ZNRF3: variants seen among roughly 807,000 people sequenced by gnomAD.
ZNRF3 encodes the protein zinc and ring finger 3, also known as E3 ubiquitin-protein ligase ZNRF3.
A neutral mutation model predicts 72.5 loss-of-function variants in ZNRF3; 23 were observed. That is an observed-to-expected ratio of 0.32 (90% CI 0.23 to 0.45). The LOEUF (loss-of-function observed/expected upper bound fraction) is 0.45. Among genes scored for constraint, ZNRF3 ranks in the 20% least tolerant of loss-of-function variants. ZNRF3 has a pLI of 1.00. For synonymous variants in ZNRF3, 610 were observed against 545.3 expected (o/e 1.12, Z -1.65); for missense variants, 1,169 against 1,272.1 (o/e 0.92, Z 1.23).
chr22:28,912,291 C>CA (rs1313421454), intron 1 of ZNRF3, among the ~76,000 whole-genome samples: 7 of 152,230 alleles, frequency 4.6e-5, no homozygotes, highest in Non-Finnish European at 1.5e-5. Context: ...CTGGGCCAGT[C>CA]CAGGCAGAAT....
At chr22:28,936,610 G>C (rs116081501) in intron 1 of ZNRF3, among the ~76,000 whole-genome samples, 3,299 of 152,138 alleles carry the variant, frequency 0.022, 83 homozygotes, top group African/African-American at 0.052. Flanking sequence ...TGGTGGGTGG[G>C]TTACTTCTGA....
intron 1 of ZNRF3, among the ~76,000 whole-genome samples, chr22:28,979,226 A>G (rs1383152066): frequency 6.6e-6 from 1 of 152,152 alleles, no homozygotes; most frequent in Non-Finnish European, 1.5e-5. Flanking sequence ...AATCTGTGGG[A>G]GTCCCTGTGC....
At chr22:28,978,268 G>A (rs987732143) in intron 1 of ZNRF3, among the ~76,000 whole-genome samples, 1 of 152,170 alleles carries the variant, frequency 6.6e-6, no homozygotes, top group Non-Finnish European at 1.5e-5. Context: ...GAGCTTCTCA[G>A]AACAATCACC....
intron 1 of ZNRF3, among the ~76,000 whole-genome samples, chr22:28,898,658 T>C (rs2034045160): frequency 6.6e-6 from 1 of 152,262 alleles, no homozygotes; most frequent in African/African-American, 2.4e-5. Context: ...AGTCTTTACT[T>C]ACATTTGTGC....
chr22:28,980,978 A>T (rs759629650), intron 1 of ZNRF3, among the ~76,000 whole-genome samples: 1 of 152,238 alleles, frequency 6.6e-6, no homozygotes, highest in Non-Finnish European at 1.5e-5. Flanking sequence ...AGCCCTACCC[A>T]TCCAAATATT....
intron 1 of ZNRF3, among the ~76,000 whole-genome samples, chr22:28,885,477 G>A (rs2033764282): frequency 1.3e-5 from 2 of 151,538 alleles, no homozygotes; most frequent in Admixed American, 1.3e-4. Flanking sequence ...TAGAGATGAT[G>A]CTTTGCTGAA....
chr22:28,937,077 C>T (rs2034832750), intron 1 of ZNRF3, among the ~76,000 whole-genome samples: 1 of 151,544 alleles, frequency 6.6e-6, no homozygotes, highest in Non-Finnish European at 1.5e-5. Flanking sequence ...TCTTAGCTGT[C>T]ATGCCCTGGC....
chr22:28,887,964 A>G (rs1247334450), intron 1 of ZNRF3, among the ~76,000 whole-genome samples: 1 of 149,716 alleles, frequency 6.7e-6, no homozygotes, highest in African/African-American at 2.4e-5. Flanking sequence ...GTCGAAATGC[A>G]TTTTTTTTTT....
chr22:28,974,902 G>T (rs1048771593), intron 1 of ZNRF3, among the ~76,000 whole-genome samples: 1 of 152,208 alleles, frequency 6.6e-6, no homozygotes, highest in Non-Finnish European at 1.5e-5. Flanking sequence ...CTCCCAAAGT[G>T]CTGAGATTAC....
chr22:28,937,194 TATATATATATATATA>T (rs2034840549), intron 1 of ZNRF3, among the ~76,000 whole-genome samples: 1 of 3,388 alleles, frequency 3.0e-4, no homozygotes, highest in African/African-American at 4.9e-4. Flanking sequence ...TATATATATA[TATATATATATATATA>T]TATATATTTT....
chr22:28,888,424 G>A (rs1396583401), intron 1 of ZNRF3, among the ~76,000 whole-genome samples: 1 of 152,192 alleles, frequency 6.6e-6, no homozygotes, highest in African/African-American at 2.4e-5. Context: ...GACAGAAAGG[G>A]ATTGCCTACT....
intron 1 of ZNRF3, among the ~76,000 whole-genome samples, chr22:28,937,208 TATA>T (rs1376692196): frequency 5.7e-3 from 24 of 4,186 alleles, no homozygotes; most frequent in South Asian, 0.024. Flanking sequence ...TATATATATA[TATA>T]TATATTTTTT....
At chr22:28,919,149 A>G (rs1019781691) in intron 1 of ZNRF3, among the ~76,000 whole-genome samples, 1 of 152,208 alleles carries the variant, frequency 6.6e-6, no homozygotes, top group Non-Finnish European at 1.5e-5. Flanking sequence ...AAGAATGCCA[A>G]CCTGTTTCTC....
intron 2 of ZNRF3, among the ~76,000 whole-genome samples, chr22:28,999,350 G>GA (rs1373787574): frequency 5.9e-5 from 9 of 151,426 alleles, no homozygotes; most frequent in Admixed American, 4.6e-4. Context: ...AAAAGCTATT[G>GA]AAAAAAAATT....
chr22:28,936,201 GA>G (rs1477890794), intron 1 of ZNRF3, among the ~76,000 whole-genome samples: 2 of 152,064 alleles, frequency 1.3e-5, no homozygotes, highest in Admixed American at 6.5e-5. Context: ...CCCTGATCAG[GA>G]AAAATGGTCT....
At chr22:28,997,988 T>TA (rs557887667) in intron 2 of ZNRF3, among the ~76,000 whole-genome samples, 4,012 of 115,294 alleles carry the variant, frequency 0.035, 109 homozygotes, top group African/African-American at 0.07. Context: ...CCTGGCTCTT[T>TA]AAAAAAAAAA....
intron 5 of ZNRF3, among the ~76,000 whole-genome samples, chr22:29,045,482 GTTTAT>G (rs941731311): frequency 1.8e-4 from 27 of 152,098 alleles, no homozygotes; most frequent in Middle Eastern, 6.8e-3. Flanking sequence ...CGAAGGAAGT[GTTTAT>G]TTTATTTTTT....
rs142751043 is a variant in ZNRF3, at chr22:28,942,433, G to A, written c.301-44643G>A. Among the ~76,000 whole-genome samples the A allele has an allele frequency of 2.5e-3, 386 of 152,268 alleles. 4 individuals are homozygous for A. Among genetic ancestry groups the A allele is most frequent in the African/African-American group, 8.5e-3 (355 of 41,554 alleles). The stretch of plus-strand genomic sequence containing the variant: ...ACTAAGTGACAAATGCAAGCTTTTA[G>A]CCCCTTTCCTTCTTGTCCCTAGACC... On this transcript the variant is annotated intron_variant, in intron 1 of 8. Transcript: ENST00000544604.
At chr22:28,987,275 A>C in intron 2 of ZNRF3, 74 bp downstream of exon 2, 1 of 1,549,276 alleles carries the variant, frequency 6.5e-7, no homozygotes, top group Non-Finnish European at 8.7e-7. Context: ...CATTCCTCAA[A>C]TAGTTGATTA....
Sources: gnomAD v4.1 joint callset for allele counts (sites outside exome capture counted in the v4.1 genomes callset) on GRCh38, gnomAD v4.1.1 for gene constraint, MANE v1.5 for transcripts, NCBI Gene and HGNC (gene_info 2026-07-23, HGNC 2026-07-21) for gene names.